WWC2: variants seen among roughly 807,000 people sequenced by gnomAD.
The protein encoded by WWC2 is WW and C2 domain containing 2, also known as protein WWC2.
In WWC2, 101 loss-of-function variants were observed where a neutral mutation model predicts 138.5. The ratio of observed to expected loss-of-function variants is 0.73; its 90% CI spans 0.62 to 0.86. The LOEUF is 0.86. WWC2 is among the 40% of genes least tolerant of loss of function. The probability of loss-of-function intolerance (pLI) is 0.00; values close to 1 mark genes in which losing one functional copy is unlikely to be tolerated. For synonymous variants in WWC2, 558 were observed against 538.4 expected, an observed-to-expected ratio of 1.04 and a Z score of -0.50; for missense variants, 1,420 against 1,419.4, an observed-to-expected ratio of 1.00 and a Z score of -0.01.
intron 1 of WWC2, among the ~76,000 whole-genome samples, chr4:183,177,577 A>G (rs1243932897): frequency 1.3e-5 from 2 of 152,170 alleles, no homozygotes; most frequent in East Asian, 1.9e-4. Context: ...TAAATACATT[A>G]TATATAAAAA....
chr4:183,249,386 C>A (rs1401842822), intron 7 of WWC2, among the ~76,000 whole-genome samples: 4 of 152,146 alleles, frequency 2.6e-5, no homozygotes, highest in African/African-American at 9.6e-5. Flanking sequence ...CAGGTATTTA[C>A]TTCTCAATAC....
intron 1 of WWC2, among the ~76,000 whole-genome samples, chr4:183,144,656 A>G (rs913241890): frequency 6.6e-6 from 1 of 151,908 alleles, no homozygotes; most frequent in African/African-American, 2.4e-5. Context: ...GAGAAAATAT[A>G]TGATCCCAAA....
intron 1 of WWC2, among the ~76,000 whole-genome samples, chr4:183,100,053 G>C (rs969621488): frequency 6.6e-6 from 1 of 152,232 alleles, no homozygotes; most frequent in South Asian, 2.1e-4. Context: ...CATCCCTCAG[G>C]CCGTCCTTGG....
chr4:183,113,110 T>C (rs1185281674), intron 1 of WWC2, among the ~76,000 whole-genome samples: 2 of 151,906 alleles, frequency 1.3e-5, no homozygotes, highest in Admixed American at 6.6e-5. Context: ...CCATCTCTAC[T>C]AAAAATACAA....
chr4:183,262,619 C>T (rs560590914), intron 11 of WWC2, among the ~76,000 whole-genome samples: 2 of 152,336 alleles, frequency 1.3e-5, no homozygotes, highest in Admixed American at 1.3e-4. Flanking sequence ...GGTTTGTGCG[C>T]CCTCTCCTGG....
At chr4:183,161,048 A>G (rs1733949164) in intron 1 of WWC2, among the ~76,000 whole-genome samples, 1 of 152,078 alleles carries the variant, frequency 6.6e-6, no homozygotes, top group Non-Finnish European at 1.5e-5. Context: ...AAAAAAAAAA[A>G]TCATGAAACA....
intron 4 of WWC2, among the ~76,000 whole-genome samples, chr4:183,232,096 A>G (rs1384202511): frequency 6.6e-6 from 1 of 152,232 alleles, no homozygotes; most frequent in African/African-American, 2.4e-5. Flanking sequence ...GTGGATGCGC[A>G]TCTGAAATGG....
chr4:183,244,372 A>G (rs540878667), intron 5 of WWC2, among the ~76,000 whole-genome samples: 1 of 152,268 alleles, frequency 6.6e-6, no homozygotes, highest in East Asian at 1.9e-4. Context: ...CCTCTAGCCT[A>G]AGGTGACGAT....
intron 2 of WWC2, among the ~76,000 whole-genome samples, chr4:183,197,759 G>A (rs1272198915): frequency 2.0e-5 from 3 of 152,094 alleles, no homozygotes; most frequent in Admixed American, 2.0e-4. Flanking sequence ...AGTAATCAAG[G>A]TTTCATTTAC....
At chr4:183,292,849 A>G (rs1220673035) in intron 21 of WWC2, among the ~76,000 whole-genome samples, 1 of 152,270 alleles carries the variant, frequency 6.6e-6, no homozygotes, top group East Asian at 1.9e-4. Flanking sequence ...TTATGAGTGT[A>G]GATGCAAGAA....
intron 1 of WWC2, among the ~76,000 whole-genome samples, chr4:183,175,820 G>A (rs1734452475): frequency 6.6e-6 from 1 of 152,180 alleles, no homozygotes; most frequent in Non-Finnish European, 1.5e-5. Flanking sequence ...TTAATGGTTT[G>A]TTTTTCTAAC....
Position 183,099,389 on chromosome 4 carries a change from G to A in WWC2, c.-103G>A. 1 of 1,139,958 alleles carries A rather than the reference G, an allele frequency of 8.8e-7. No homozygotes were observed. Among genetic ancestry groups the A allele is most frequent in the Non-Finnish European group, 1.1e-6 (1 of 922,708 alleles). 70.6% of individuals were successfully genotyped at this position (1,139,958 alleles called of 1,614,324 possible). A position where few individuals can be genotyped will look rare whatever the true frequency, so the allele number is the denominator to read the frequency against. On this transcript the variant is annotated 5_prime_UTR_variant, in exon 1 of 23. Coordinates refer to ENST00000403733, the MANE Select transcript of WWC2 (RefSeq NM_024949.6). ...CCCTGCGCCCCTCAGCCCCTCGCCGGCGCCCGCGTCGCGGGTTGGCAGCCT... is the reference window on the plus strand; with the variant it reads ...CCCTGCGCCCCTCAGCCCCTCGCCGACGCCCGCGTCGCGGGTTGGCAGCCT...
chr4:183,261,889 A>G (rs1737341627), intron 11 of WWC2, among the ~76,000 whole-genome samples: 1 of 152,212 alleles, frequency 6.6e-6, no homozygotes, highest in Non-Finnish European at 1.5e-5. Flanking sequence ...AGTTGGCCTA[A>G]AACAGATTAA....
intron 1 of WWC2, among the ~76,000 whole-genome samples, chr4:183,138,473 A>G (rs1733189832): frequency 6.6e-6 from 1 of 152,204 alleles, no homozygotes; most frequent in African/African-American, 2.4e-5. Context: ...TTGTAAATAA[A>G]GTTTTAATGG....
In WWC2 at chr4:183,126,003, C is replaced by T. The variant is rs549084187; in HGVS notation, c.131+26381C>T. ...TTAAGGAGGCACTTGCTCTGCCATG[C>T]ATGTAGATGCAAGGTCAGCATGGCA... On this transcript the variant is annotated intron_variant, in intron 1 of 22. Transcript: ENST00000403733. Among the ~76,000 whole-genome samples, 4 of 152,320 alleles carry T rather than the reference C, an allele frequency of 2.6e-5. No homozygotes were observed. The South Asian group carries it at 8.3e-4, about 32-fold the overall frequency.
intron 4 of WWC2, among the ~76,000 whole-genome samples, chr4:183,223,930 C>T (rs1304947153): frequency 6.6e-6 from 1 of 152,164 alleles, no homozygotes; most frequent in Non-Finnish European, 1.5e-5. Flanking sequence ...AGGATTTAGC[C>T]ATGTTGGCCA....
intron 1 of WWC2, among the ~76,000 whole-genome samples, chr4:183,185,083 C>A (rs1231749905): frequency 6.6e-6 from 1 of 151,940 alleles, no homozygotes; most frequent in South Asian, 2.1e-4. Context: ...TGAAGTTTAC[C>A]GATCAGTATT....
intron 22 of WWC2, 92 bp downstream of exon 22, chr4:183,312,560 G>T (rs1560900485): frequency 1.3e-6 from 2 of 1,559,580 alleles, no homozygotes; most frequent in African/African-American, 2.7e-5. Flanking sequence ...GTTAATATGA[G>T]GATCCGAGAC....
intron 21 of WWC2, among the ~76,000 whole-genome samples, chr4:183,310,450 A>C (rs1188239783): frequency 6.6e-6 from 1 of 152,194 alleles, no homozygotes; most frequent in Non-Finnish European, 1.5e-5. Flanking sequence ...AATAATTATT[A>C]AACAATTTCT....
Sources: allele counts gnomAD v4.1 joint callset (sites outside exome capture counted in the v4.1 genomes callset), GRCh38; gene constraint gnomAD v4.1.1; transcripts MANE v1.5; gene names NCBI Gene and HGNC (gene_info 2026-07-23, HGNC 2026-07-21).